Variants in ZDHHC13 observed in about 807,000 individuals in gnomAD.
ZDHHC13 encodes palmitoyltransferase ZDHHC13.
Under a neutral mutation model 86.0 loss-of-function variants are expected in ZDHHC13, and 85 were observed. The observed-to-expected ratio is 0.99, with a 90% CI of 0.83 to 1.18. ZDHHC13 has a LOEUF of 1.18. Ranked by LOEUF, ZDHHC13 falls within the 50% of genes most tolerant of loss-of-function variation. The probability of loss-of-function intolerance (pLI) is 0.00; values close to 1 mark genes in which losing one functional copy is unlikely to be tolerated. For missense variants in ZDHHC13, 711 were observed against 730.2 expected (o/e 0.97, Z 0.30); for synonymous variants, 263 against 246.4 (o/e 1.07, Z -0.63).
At chr11:19,175,163 C>T (rs1050612159) in intron 16 of ZDHHC13, among the ~76,000 whole-genome samples, 20 of 151,422 alleles carry the variant, frequency 1.3e-4, no homozygotes, top group Non-Finnish European at 2.5e-4. Context: ...CTGAGGTGGG[C>T]GGATCACGAG....
At chr11:19,169,159 C>T in intron 14 of ZDHHC13, 1 of 985,450 alleles carries the variant, frequency 1.0e-6, no homozygotes, top group Non-Finnish European at 1.2e-6. Context: ...CAGAAGGGAG[C>T]AGTAGAAATC....
chr11:19,159,486 A>G (rs558826425), intron 10 of ZDHHC13, among the ~76,000 whole-genome samples: 1 of 152,288 alleles, frequency 6.6e-6, no homozygotes, highest in East Asian at 1.9e-4. Context: ...TAAGGCAATG[A>G]TTCTCAATCC....
rs183034629 is a variant in ZDHHC13, at chr11:19,172,322, C to T, written c.1633-401C>T. The stretch of plus-strand genomic sequence containing the variant: ...TCCTGACCTCGTGATCCACCCGCCT[C>T]GGCCTGCCAAAGTGCTGGGATTACA... On this transcript the variant is annotated intron_variant, in intron 15 of 16. Transcript: ENST00000446113. Among the ~76,000 whole-genome samples, 380 of 152,238 alleles carry T rather than the reference C, an allele frequency of 2.5e-3. 1 individual carries two copies. Among genetic ancestry groups the T allele is most frequent in the Non-Finnish European group, 3.9e-3 (265 of 68,022 alleles).
In ZDHHC13 at chr11:19,152,692, C is replaced by T; in HGVS notation, c.873+8C>T. 1.2e-6 allele frequency: 2 copies of T among 1,612,714 alleles called. No individual in the cohort carries two copies. The highest frequency in any genetic ancestry group is 1.7e-6 in the Non-Finnish European group (2 of 1,178,984). On this transcript the variant is annotated splice_region_variant and intron_variant, in intron 8 of 16. Transcript: ENST00000446113. Reference sequence around the variant, plus strand: ...TGGCTGCAGAAATGCGAGGTATTTTCATATGGGGTCTTTTCTATGGGATAG... The same window carrying T: ...TGGCTGCAGAAATGCGAGGTATTTTTATATGGGGTCTTTTCTATGGGATAG...
At chr11:19,152,448 C>A in intron 7 of ZDHHC13, 111 bp from the exon 8 acceptor site, 2 of 1,442,614 alleles carry the variant, frequency 1.4e-6, no homozygotes, top group Non-Finnish European at 1.8e-6. Flanking sequence ...TAATAGCTGG[C>A]TATCCTTGGA....
chr11:19,123,549 C>G (rs1421121132), intron 1 of ZDHHC13, among the ~76,000 whole-genome samples: 2 of 151,920 alleles, frequency 1.3e-5, no homozygotes, highest in Non-Finnish European at 2.9e-5. Flanking sequence ...TACGGTGGGT[C>G]AGGTGGTAGA....
At chr11:19,140,250 G>A (rs1849274961) in intron 1 of ZDHHC13, among the ~76,000 whole-genome samples, 1 of 151,954 alleles carries the variant, frequency 6.6e-6, no homozygotes, top group South Asian at 2.1e-4. Flanking sequence ...CAAAAAGTGG[G>A]CAAAGGACAT....
At chr11:19,163,787 A>G (rs1024843112) in intron 11 of ZDHHC13, among the ~76,000 whole-genome samples, 3 of 152,122 alleles carry the variant, frequency 2.0e-5, no homozygotes, top group Non-Finnish European at 4.4e-5. Context: ...CCTTCTGCTT[A>G]TTGGCTGAGG....
At chr11:19,175,732 G>C in intron 16 of ZDHHC13, 90 bp from the exon 17 acceptor site, 2 of 1,475,066 alleles carry the variant, frequency 1.4e-6, no homozygotes, top group East Asian at 2.3e-5. Flanking sequence ...ATGTTCAAAG[G>C]ACATTGCATA....
At chr11:19,175,263 G>A (rs535923348) in intron 16 of ZDHHC13, among the ~76,000 whole-genome samples, 8 of 151,602 alleles carry the variant, frequency 5.3e-5, no homozygotes, top group African/African-American at 7.3e-5. Flanking sequence ...GGTGGTGGGC[G>A]CCTATAGTCC....
chr11:19,156,721 C>T (rs1404289953), intron 9 of ZDHHC13, among the ~76,000 whole-genome samples: 1 of 152,138 alleles, frequency 6.6e-6, no homozygotes, highest in African/African-American at 2.4e-5. Context: ...CAACCCATTA[C>T]CAAGTGTTCC....
At chr11:19,143,171 A>T in intron 2 of ZDHHC13, 48 bp downstream of exon 2, 1 of 1,563,216 alleles carries the variant, frequency 6.4e-7, no homozygotes, top group Admixed American at 1.9e-5. Flanking sequence ...TCTAGAATTA[A>T]TAGTAATATA....
At chr11:19,170,820 A>T (rs1850202466) in intron 15 of ZDHHC13, among the ~76,000 whole-genome samples, 1 of 152,208 alleles carries the variant, frequency 6.6e-6, no homozygotes, top group African/African-American at 2.4e-5. Context: ...TTAGAGTATG[A>T]CCTAGGAGTT....
At chr11:19,165,427 T>G (rs899488009) in intron 13 of ZDHHC13, among the ~76,000 whole-genome samples, 1 of 152,210 alleles carries the variant, frequency 6.6e-6, no homozygotes, top group African/African-American at 2.4e-5. Context: ...TAACTTACAG[T>G]GACACAACTA....
chr11:19,170,981 A>G (rs1173979667), intron 15 of ZDHHC13, among the ~76,000 whole-genome samples: 1 of 152,208 alleles, frequency 6.6e-6, no homozygotes, highest in Admixed American at 6.5e-5. Flanking sequence ...CAGTTAAATT[A>G]TATGTTGTGT....
At chr11:19,138,585 C>G (rs1849215950) in intron 1 of ZDHHC13, among the ~76,000 whole-genome samples, 1 of 151,842 alleles carries the variant, frequency 6.6e-6, no homozygotes, top group Non-Finnish European at 1.5e-5. Flanking sequence ...CATCCTGATA[C>G]CAAAGCCGGG....
At chr11:19,130,190 G>A (rs1848964774) in intron 1 of ZDHHC13, among the ~76,000 whole-genome samples, 1 of 151,906 alleles carries the variant, frequency 6.6e-6, no homozygotes, top group South Asian at 2.1e-4. Flanking sequence ...AAGTTATAGG[G>A]GTCTGAAATT....
chr11:19,141,387 G>A (rs1849316164), intron 1 of ZDHHC13, among the ~76,000 whole-genome samples: 1 of 152,124 alleles, frequency 6.6e-6, no homozygotes, highest in Non-Finnish European at 1.5e-5. Context: ...CACATCTTTA[G>A]CTGAAGGAGT....
intron 14 of ZDHHC13, chr11:19,169,985 G>A: frequency 1.0e-6 from 1 of 998,960 alleles, no homozygotes; most frequent in African/African-American, 1.7e-5. Context: ...GGGATATCTT[G>A]TGCCCACAGC....
Sources: gnomAD v4.1 joint callset for allele counts (sites outside exome capture counted in the v4.1 genomes callset) on GRCh38, gnomAD v4.1.1 for gene constraint, MANE v1.5 for transcripts, NCBI Gene and HGNC (gene_info 2026-07-23, HGNC 2026-07-21) for gene names.